The following DNAAF2 variants were observed in gnomAD, a reference collection of about 807,000 sequenced individuals.
DNAAF2 encodes the protein protein kintoun.
DNAAF2 carries 58 observed loss-of-function variants against 48.8 expected under a neutral mutation model. That is an observed-to-expected ratio of 1.19 (90% CI 0.96 to 1.48). The LOEUF is 1.48. Ranked by LOEUF, DNAAF2 falls within the 40% of genes most tolerant of loss-of-function variation. The pLI is 0.00. For missense variants in DNAAF2, 1,241 were observed against 1,116.1 expected (o/e 1.11, Z -1.59); for synonymous variants, 567 against 481.2 (o/e 1.18, Z -2.33).
intron 2 of DNAAF2, among the ~76,000 whole-genome samples, chr14:49,627,628 G>A (rs957863844): frequency 3.3e-5 from 5 of 152,126 alleles, no homozygotes; most frequent in African/African-American, 1.2e-4. Context: ...GGCCGAGGCG[G>A]GTGGATCATG....
At chr14:49,630,742 C>T (rs2139577380) in intron 1 of DNAAF2, among the ~76,000 whole-genome samples, 1 of 146,908 alleles carries the variant, frequency 6.8e-6, no homozygotes, top group African/African-American at 2.5e-5. Context: ...AAACTCTCTA[C>T]ACACACACAC....
chr14:49,628,272 T>TAAAC, intron 1 of DNAAF2, 117 bp from the exon 2 acceptor site: 1 of 868,054 alleles, frequency 1.2e-6, no homozygotes, highest in Non-Finnish European at 1.7e-6. Context: ...TTAAAATGTT[T>TAAAC]ATTTTAATGT....
rs1300697377 is a variant in DNAAF2, at chr14:49,634,079, G to C, written c.1071C>G (p.Pro357=). 1 of 1,537,152 alleles carries C rather than the reference G, an allele frequency of 6.5e-7. No individual in the cohort carries two copies. The highest frequency in any genetic ancestry group is 1.2e-5 in the South Asian group (1 of 83,352). The change falls in exon 1 of 3, where the codon CCC becomes CCG. Residue 357 remains proline, a synonymous_variant. Coordinates refer to ENST00000298292, the MANE Select transcript of DNAAF2 (RefSeq NM_018139.3). The part of the protein sequence containing the change: ...PVVLPAARRE[P]AVAVAAAAPE... The stretch of plus-strand genomic sequence containing the variant: ...GCGCGGCGGCGGCGACGGCGACAGC[G>C]GGCTCCCGGCGCGCGGCCGGCAGCA...
At position 49,634,355 on chromosome 14, in the gene DNAAF2, G is replaced by A. The variant is rs1883269734; in HGVS notation, c.795C>T (p.Leu265=). 6.2e-7 allele frequency: 1 copy of A among 1,609,252 alleles called. No homozygotes were observed. The highest frequency in any genetic ancestry group is 1.7e-5 in the Admixed American group (1 of 59,788). ...YSVVQRHHVD[L]QDYRCSRDSA... ...AGTCCCTGGAGCAGCGGTAATCCTG[G>A]AGGTCCACGTGGTGGCGCTGCACCA... The change falls in exon 1 of 3, where the codon CTC becomes CTT. Residue 265 remains leucine, a synonymous_variant. Coordinates refer to ENST00000298292, the MANE Select transcript of DNAAF2 (RefSeq NM_018139.3).
Position 49,634,575 on chromosome 14 carries a change from T to C in DNAAF2, c.575A>G (p.Tyr192Cys). Residue 192 changes from tyrosine to cysteine, a missense_variant, in exon 1 of 3, where the codon TAT becomes TGT. Coordinates refer to ENST00000298292, the MANE Select transcript of DNAAF2 (RefSeq NM_018139.3). The stretch of plus-strand genomic sequence containing the variant: ...CACCGCAGCCTCTGGGGTCCCCTTA[T>C]ACTTGGCCTTCAGGGTCTTGGCATT... Reference protein sequence around the residue: ...RRNAKTLKAKYKGTPEAAVLR... With the variant: ...RRNAKTLKAKCKGTPEAAVLR... The C allele has an allele frequency of 6.2e-7, 1 of 1,605,392 alleles. No homozygotes were observed. The highest frequency in any genetic ancestry group is 8.5e-7 in the Non-Finnish European group (1 of 1,179,710).
At chr14:49,628,251 G>C in intron 1 of DNAAF2, 96 bp from the exon 2 acceptor site, 1 of 1,030,520 alleles carries the variant, frequency 9.7e-7, no homozygotes, top group South Asian at 1.6e-5. Context: ...CATTGTTCAG[G>C]GTTACACTTT....
In DNAAF2 at chr14:49,625,433, T is replaced by A; in HGVS notation, c.*109A>T. The A allele has an allele frequency of 1.1e-6, 1 of 917,296 alleles. No individual in the cohort carries two copies. Among genetic ancestry groups the A allele is most frequent in the East Asian group, 3.3e-5 (1 of 30,486 alleles). 56.8% of individuals were successfully genotyped at this position (917,296 alleles called of 1,614,324 possible). ...AATTTTTTAAAAAAAATTGCAAATT[T>A]TAATTTTATACTTTAATACCTTTAG... On this transcript the variant is annotated 3_prime_UTR_variant, in exon 3 of 3. Coordinates refer to ENST00000298292, the MANE Select transcript of DNAAF2 (RefSeq NM_018139.3).
Position 49,633,470 on chromosome 14 carries a change from G to C in DNAAF2, c.1680C>G (p.Arg560=), listed in dbSNP as rs374075934. ...AATAAACTAAGTCTTGTGCGGAGAA[G>C]CGTAATTTGTACCAGAGGGGATTCA... ...GDLNPLWYKL[R]FSAQDLVYSF... The change falls in exon 1 of 3, where the codon CGC becomes CGG. Residue 560 remains arginine (R), a synonymous_variant. Transcript: ENST00000298292. 4 of 1,613,956 alleles carry C rather than the reference G, an allele frequency of 2.5e-6. No homozygotes were observed. The African/African-American group carries it at 5.3e-5, about 22-fold the overall frequency.
At chr14:49,630,960 A>G (rs1883145868) in intron 1 of DNAAF2, among the ~76,000 whole-genome samples, 1 of 152,088 alleles carries the variant, frequency 6.6e-6, no homozygotes, top group South Asian at 2.1e-4. Flanking sequence ...CTTGTTGGCC[A>G]GGATGGTCTC....
At position 49,625,673 on chromosome 14, in the gene DNAAF2, C is replaced by A; in HGVS notation, c.2383G>T (p.Val795Phe). ...HLSSLLNKTT[V>F]HNIPGFDSIK... ...CTGTCGAATCCAGGTATATTGTGAA[C>A]CGTAGTTTTGTTCAGTAATGAAGAT... Residue 795 changes from valine to phenylalanine, a missense_variant, in exon 3 of 3, where the codon GTT becomes TTT. Physicochemically the swap from Val to Phe is conservative, Grantham distance 50 (BLOSUM62 -1). Transcript: ENST00000298292. 6.2e-7 allele frequency: 1 copy of A among 1,613,664 alleles called. No individual in the cohort carries two copies. Among genetic ancestry groups the A allele is most frequent in the East Asian group, 2.2e-5 (1 of 44,802 alleles).
Position 49,633,927 on chromosome 14 carries a change from G to A in DNAAF2, c.1223C>T (p.Ala408Val), listed in dbSNP as rs1277446520. 4 of 1,531,486 alleles carry A rather than the reference G, an allele frequency of 2.6e-6. No homozygotes were observed. In the African/African-American group the frequency reaches 5.5e-5, roughly 21 times the overall value. The allele number at this position is 1,531,486 out of a possible 1,614,324, so 94.9% of individuals were successfully genotyped here. ...GCCCAGGGTGGTGACCCCGGAGCCC[G>A]CAGCCCCAGCCACGCAGGTATCGTG... ...GGHDTCVAGA[A>V]GSGVTTLGDP... The change falls in exon 1 of 3, where the codon GCG becomes GTG. Residue 408 changes from alanine to valine, a missense_variant. By Grantham distance (64) the Ala-to-Val change is moderately conservative. Transcript: ENST00000298292.
chr14:49,627,921 G>T (rs6572594), intron 2 of DNAAF2, 91 bp downstream of exon 2: 4 of 1,265,044 alleles, frequency 3.2e-6, no homozygotes, highest in East Asian at 2.9e-5. Context: ...TGTAAATTTT[G>T]TTTAAAGTTA....
At chr14:49,632,447 CTTTTTTTT>C (rs3029726) in intron 1 of DNAAF2, among the ~76,000 whole-genome samples, 1 of 147,076 alleles carries the variant, frequency 6.8e-6, no homozygotes, top group Non-Finnish European at 1.5e-5. Flanking sequence ...CTTAATTTTT[CTTTTTTTT>C]TTTTTTTGAT....
Position 49,635,037 on chromosome 14 carries a change from T to G in DNAAF2, c.113A>C (p.Gln38Pro). 1 of 1,580,198 alleles carries G rather than the reference T, an allele frequency of 6.3e-7. No homozygotes were observed. The highest frequency in any genetic ancestry group is 1.2e-5 in the South Asian group (1 of 86,524). Residue 38 changes from glutamine (Q) to proline (P), a missense_variant, in exon 1 of 3, where the codon CAG becomes CCG. Transcript: ENST00000298292. Reference protein sequence around the residue: ...QDPEFRRMFSQYAEELTDPEN... With the variant: ...QDPEFRRMFSPYAEELTDPEN... ...CGGGTCGGTGAGCTCCTCGGCGTAC[T>G]GGGAGAACATTCGCCGGAACTCCGG... is the stretch of plus-strand genomic sequence containing the variant.
At position 49,626,799 on chromosome 14, in the gene DNAAF2, C is replaced by CTTTTT. The variant is rs34085502; in HGVS notation, c.2008-756_2008-752dup. Among the ~76,000 whole-genome samples, 257 of 63,406 alleles carry CTTTTT rather than the reference C, an allele frequency of 4.1e-3. 20 individuals carry two copies. The highest frequency in any genetic ancestry group is 0.013 in the African/African-American group (182 of 14,316). 41.6% of individuals were successfully genotyped at this position (63,406 alleles called of 152,430 possible). ...CCATCACGACTAGTCTGCTGCCAGT[C>CTTTTT]TTTTTTTTTTTTTTTTTTTTTTTTG... On this transcript the variant is annotated intron_variant, in intron 2 of 2. Coordinates refer to ENST00000298292, the MANE Select transcript of DNAAF2 (RefSeq NM_018139.3).
At chr14:49,630,349 CA>C (rs1278390133) in intron 1 of DNAAF2, among the ~76,000 whole-genome samples, 1 of 152,026 alleles carries the variant, frequency 6.6e-6, no homozygotes, top group African/African-American at 2.4e-5. Flanking sequence ...ATCCCAAACA[CA>C]AAGCAGTTTG....
intron 1 of DNAAF2, 63 bp from the exon 2 acceptor site, chr14:49,628,218 A>C: frequency 7.0e-4 from 917 of 1,316,650 alleles, no homozygotes; most frequent in Non-Finnish European, 8.7e-4. Flanking sequence ...GTTGTATCTC[A>C]AAGCAGCTCA....
intron 2 of DNAAF2, among the ~76,000 whole-genome samples, chr14:49,627,428 T>G (rs915983293): frequency 1.3e-5 from 2 of 152,252 alleles, no homozygotes; most frequent in Admixed American, 6.5e-5. Flanking sequence ...CAAAAAAGAT[T>G]GTATGTCCCT....
At position 49,625,359 on chromosome 14, in the gene DNAAF2, C is replaced by CAAAA; in HGVS notation, c.*179_*182dup. ...ATAAGGAAACTTTAAACTCCAGAGG[C>CAAAA]AAAAAAAAAAAAATTATCTCCAATT... On this transcript the variant is annotated 3_prime_UTR_variant, in exon 3 of 3. Coordinates refer to ENST00000298292, the MANE Select transcript of DNAAF2 (RefSeq NM_018139.3). 3.1e-6 allele frequency: 1 copy of CAAAA among 325,864 alleles called. No individual in the cohort carries two copies. Among genetic ancestry groups the CAAAA allele is most frequent in the Non-Finnish European group, 5.3e-6 (1 of 189,148 alleles). The allele number at this position is 325,864 out of a possible 1,614,324, so 20.2% of individuals were successfully genotyped here.
Sources: allele counts gnomAD v4.1 joint callset (sites outside exome capture counted in the v4.1 genomes callset), GRCh38; gene constraint gnomAD v4.1.1; transcripts MANE v1.5; gene names NCBI Gene and HGNC (gene_info 2026-07-23, HGNC 2026-07-21).